Variants in SPOPL observed in about 807,000 individuals in gnomAD.
The protein encoded by SPOPL is speckle-type POZ protein-like.
In SPOPL, 23 loss-of-function variants were observed where a neutral mutation model predicts 53.8. The observed-to-expected ratio is 0.43, with a 90% CI of 0.31 to 0.61. SPOPL has a LOEUF of 0.61. Among genes scored for constraint, SPOPL ranks in the 20% least tolerant of loss-of-function variants. The pLI, the probability that SPOPL is intolerant of heterozygous loss-of-function variation, is 0.12. For synonymous variants in SPOPL, 164 were observed against 149.7 expected (o/e 1.10, Z -0.70); for missense variants, 442 against 466.9 (o/e 0.95, Z 0.49).
At chr2:138,536,203 G>T (rs1243179207) in intron 1 of SPOPL, among the ~76,000 whole-genome samples, 1 of 151,872 alleles carries the variant, frequency 6.6e-6, no homozygotes, top group Non-Finnish European at 1.5e-5. Flanking sequence ...TTCATGCCTC[G>T]TAATTTTCTA....
chr2:138,541,014 T>C (rs1685060102), intron 1 of SPOPL, among the ~76,000 whole-genome samples: 1 of 152,238 alleles, frequency 6.6e-6, no homozygotes, highest in Non-Finnish European at 1.5e-5. Context: ...ATGGTTTTTT[T>C]CATTGTTTCT....
At chr2:138,553,478 A>G (rs1253012486) in intron 5 of SPOPL, among the ~76,000 whole-genome samples, 1 of 152,162 alleles carries the variant, frequency 6.6e-6, no homozygotes, top group Admixed American at 6.5e-5. Flanking sequence ...CATAAGAAAG[A>G]TAGTTGAAAA....
chr2:138,540,948 A>C (rs2104882539), intron 1 of SPOPL, among the ~76,000 whole-genome samples: 1 of 152,308 alleles, frequency 6.6e-6, no homozygotes, highest in Admixed American at 6.5e-5. Flanking sequence ...AATTTTTAGC[A>C]TGAAGGGTTG....
intron 1 of SPOPL, among the ~76,000 whole-genome samples, chr2:138,547,612 C>T (rs1685224753): frequency 6.6e-6 from 1 of 151,706 alleles, no homozygotes; most frequent in South Asian, 2.1e-4. Flanking sequence ...ACCATGTTTT[C>T]CACTTTTAAA....
chr2:138,543,345 C>A (rs1685117501), intron 1 of SPOPL, among the ~76,000 whole-genome samples: 1 of 152,190 alleles, frequency 6.6e-6, no homozygotes, highest in South Asian at 2.1e-4. Flanking sequence ...CACTTGGTTC[C>A]ATTCTCCCCA....
In SPOPL at chr2:138,560,881, C is replaced by G. The variant is rs1165906631; in HGVS notation, c.791C>G (p.Pro264Arg). Residue 264 changes from proline to arginine, a missense_variant, in exon 8 of 11, where the codon CCA becomes CGA. Pro to Arg is a moderately radical substitution (Grantham distance 103). Transcript: ENST00000280098. ...MMRFIYTGRA[P>R]NLDKMADNLL... ...AGATTCATTTACACAGGGAGAGCAC[C>G]AAACCTTGACAAAATGGCTGACAAC... The G allele has an allele frequency of 6.2e-7, 1 of 1,610,606 alleles. No individual in the cohort carries two copies. The highest frequency in any genetic ancestry group is 1.1e-5 in the South Asian group (1 of 90,198).
chr2:138,529,448 G>T (rs1427159862), intron 1 of SPOPL, among the ~76,000 whole-genome samples: 5 of 151,212 alleles, frequency 3.3e-5, no homozygotes, highest in African/African-American at 1.2e-4. Flanking sequence ...TGTTACCTTG[G>T]TCATAAATGA....
At chr2:138,507,761 A>G (rs56282901) in intron 1 of SPOPL, among the ~76,000 whole-genome samples, 22,540 of 152,216 alleles carry the variant, frequency 0.15, 1,891 homozygotes, top group African/African-American at 0.22. Context: ...CTTACCACCC[A>G]TATAGTCACT....
intron 1 of SPOPL, among the ~76,000 whole-genome samples, chr2:138,543,374 A>G (rs1008996740): frequency 3.9e-5 from 6 of 152,202 alleles, no homozygotes; most frequent in East Asian, 1.9e-4. Context: ...AGGTACACCA[A>G]TCAGACATAG....
intron 10 of SPOPL, among the ~76,000 whole-genome samples, chr2:138,565,956 G>A (rs1032923932): frequency 2.0e-5 from 3 of 152,004 alleles, no homozygotes; most frequent in African/African-American, 4.8e-5. Context: ...GGATGGTCTC[G>A]ATCTCCTGAC....
intron 5 of SPOPL, among the ~76,000 whole-genome samples, chr2:138,554,087 T>TTA (rs1685370370): frequency 8.8e-6 from 1 of 113,318 alleles, no homozygotes; most frequent in African/African-American, 3.0e-5. Context: ...TTTTTTTTTT[T>TTA]AGAATTGAAA....
chr2:138,571,374 T>C lies in SPOPL; in HGVS notation c.*2294T>C, dbSNP rs1573916409. ...CTTACTCGAGAGTTTATTGCAAATC[T>C]TAAGGATTTTATTATAAAGATTTTT... On this transcript the variant is annotated 3_prime_UTR_variant, in exon 11 of 11. Transcript: ENST00000280098. 6.6e-6 allele frequency: 1 copy of C among 152,516 alleles called. No homozygotes were observed. The highest frequency in any genetic ancestry group is 1.5e-5 in the Non-Finnish European group (1 of 68,008). The allele number at this position is 152,516 out of a possible 1,614,324, so 9.4% of individuals were successfully genotyped here.
intron 1 of SPOPL, among the ~76,000 whole-genome samples, chr2:138,520,944 A>G (rs1202902132): frequency 6.6e-6 from 1 of 152,182 alleles, no homozygotes; most frequent in Non-Finnish European, 1.5e-5. Flanking sequence ...GTCTTTTCTT[A>G]TATGCCTTGT....
chr2:138,540,829 A>T (rs1472915285), intron 1 of SPOPL, among the ~76,000 whole-genome samples: 1 of 152,150 alleles, frequency 6.6e-6, no homozygotes, highest in East Asian at 1.9e-4. Context: ...CCAGTTTTCA[A>T]AGGGAATGCT....
chr2:138,559,067 AC>A lies in SPOPL; in HGVS notation c.527del (p.Thr176LysfsTer4). The part of the protein sequence containing the change: ...DSVNISGHTN[T>X]NTLKVPECRL... ...AGTAAACATATCAGGACATACTAATACAAATACTTTGAAGGTGCCTGAGTGT... is the reference window on the plus strand; with the variant it reads ...AGTAAACATATCAGGACATACTAATAAAATACTTTGAAGGTGCCTGAGTGT... On this transcript the variant is annotated frameshift_variant, in exon 6 of 11. Transcript: ENST00000280098. LOFTEE classifies it high-confidence loss of function. 1.9e-6 allele frequency: 3 copies of A among 1,613,370 alleles called. No homozygotes were observed. Among genetic ancestry groups the A allele is most frequent in the Non-Finnish European group, 2.5e-6 (3 of 1,179,834 alleles).
At position 138,501,893 on chromosome 2, in the gene SPOPL, C is replaced by A. The variant is rs1190322474; in HGVS notation, c.-287C>A. ...GAGTGGCGGAGGTGGCCGCCCCTGG[C>A]GGCGGGTTTGTTTATCCCGGGGAAG... On this transcript the variant is annotated 5_prime_UTR_variant, in exon 1 of 11. Coordinates refer to ENST00000280098, the MANE Select transcript of SPOPL (RefSeq NM_001001664.3). 3 of 152,442 alleles carry A rather than the reference C, an allele frequency of 2.0e-5. No individual in the cohort carries two copies. In the East Asian group the frequency reaches 5.8e-4, roughly 29 times the overall value. 9.4% of individuals were successfully genotyped at this position (152,442 alleles called of 1,614,324 possible).
chr2:138,531,909 G>T, intron 1 of SPOPL, among the ~76,000 whole-genome samples: 1 of 152,160 alleles, frequency 6.6e-6, no homozygotes, highest in South Asian at 2.1e-4. Context: ...CTTTTAGACA[G>T]GATTTATTTT....
chr2:138,539,721 G>A (rs1398372346), intron 1 of SPOPL, among the ~76,000 whole-genome samples: 1 of 152,154 alleles, frequency 6.6e-6, no homozygotes, highest in Non-Finnish European at 1.5e-5. Context: ...TCTGATGGTA[G>A]TTTCTTTTGC....
At chr2:138,550,318 A>C (rs774137848) in intron 2 of SPOPL, 24 bp downstream of exon 2, 3 of 1,611,856 alleles carry the variant, frequency 1.9e-6, no homozygotes, top group Admixed American at 3.3e-5. Flanking sequence ...AAAATCCCTC[A>C]CTTTATGTCA....
Sources: gnomAD v4.1 joint callset for allele counts (sites outside exome capture counted in the v4.1 genomes callset) on GRCh38, gnomAD v4.1.1 for gene constraint, MANE v1.5 for transcripts, NCBI Gene and HGNC (gene_info 2026-07-23, HGNC 2026-07-21) for gene names.